The following KCNH5 variants were observed in gnomAD, a reference collection of about 807,000 sequenced individuals.
KCNH5 encodes voltage-gated delayed rectifier potassium channel KCNH5.
Under a neutral mutation model 96.1 loss-of-function variants are expected in KCNH5, and 46 were observed. That is an observed-to-expected ratio of 0.48 (90% CI 0.38 to 0.61). The LOEUF (loss-of-function observed/expected upper bound fraction) is 0.61, where lower values mean the gene tolerates loss of function less well. Ranked by LOEUF, KCNH5 falls within the 20% of genes least tolerant of loss-of-function variation. The pLI, the probability that KCNH5 is intolerant of heterozygous loss-of-function variation, is 0.00. For synonymous variants in KCNH5, 439 were observed against 449.8 expected (o/e 0.98, Z 0.30); for missense variants, 907 against 1,225.8 (o/e 0.74, Z 3.88).
intron 10 of KCNH5, among the ~76,000 whole-genome samples, chr14:62,763,016 C>G (rs1288689918): frequency 1.3e-5 from 2 of 152,032 alleles, no homozygotes; most frequent in East Asian, 1.9e-4. Flanking sequence ...TATTTAGGAC[C>G]TAAATTCAAC....
intron 7 of KCNH5, 129 bp downstream of exon 7, chr14:62,950,004 A>C: frequency 1.4e-6 from 1 of 738,162 alleles, no homozygotes; most frequent in Non-Finnish European, 2.2e-6. Context: ...GATTAAAAAA[A>C]ACAATTGCAA....
At chr14:62,765,772 A>T (rs981158284) in intron 10 of KCNH5, among the ~76,000 whole-genome samples, 1 of 152,146 alleles carries the variant, frequency 6.6e-6, no homozygotes, top group Non-Finnish European at 1.5e-5. Flanking sequence ...TCTCCAGGGC[A>T]TTGGTCTGGG....
chr14:62,751,611 G>T (rs781390688), intron 10 of KCNH5, among the ~76,000 whole-genome samples: 6 of 152,172 alleles, frequency 3.9e-5, no homozygotes, highest in African/African-American at 7.2e-5. Context: ...CATGCCCAAG[G>T]CATGGTGACT....
intron 6 of KCNH5, among the ~76,000 whole-genome samples, chr14:62,972,468 A>C (rs1890427970): frequency 1.3e-5 from 2 of 152,270 alleles, no homozygotes; most frequent in African/African-American, 4.8e-5. Flanking sequence ...AAGTAAACAT[A>C]GTCTTACCAT....
chr14:62,804,925 C>A (rs1233328344), intron 8 of KCNH5, among the ~76,000 whole-genome samples: 2 of 152,164 alleles, frequency 1.3e-5, no homozygotes, highest in Non-Finnish European at 2.9e-5. Flanking sequence ...TTTTCACTTT[C>A]CACTCTGTCT....
At chr14:62,886,499 G>T (rs10137940) in intron 7 of KCNH5, among the ~76,000 whole-genome samples, 3 of 152,056 alleles carry the variant, frequency 2.0e-5, no homozygotes, top group Non-Finnish European at 2.9e-5. Context: ...ACCAGGAGTG[G>T]GGTGTGCATG....
intron 10 of KCNH5, among the ~76,000 whole-genome samples, chr14:62,777,928 G>T (rs1886132732): frequency 6.6e-6 from 1 of 152,048 alleles, no homozygotes; most frequent in Non-Finnish European, 1.5e-5. Flanking sequence ...TGTTTCCATT[G>T]TCCCTCCTTG....
At chr14:62,930,275 C>T (rs1211269094) in intron 7 of KCNH5, among the ~76,000 whole-genome samples, 1 of 152,068 alleles carries the variant, frequency 6.6e-6, no homozygotes, top group Admixed American at 6.6e-5. Context: ...GTTTTTAACA[C>T]CACTAACCAT....
At chr14:62,718,222 A>G (rs1884727266) in intron 10 of KCNH5, among the ~76,000 whole-genome samples, 1 of 152,146 alleles carries the variant, frequency 6.6e-6, no homozygotes. Context: ...TGGGTTCAAT[A>G]GAAGCCCCAA....
At chr14:62,817,065 T>A (rs536561603) in intron 8 of KCNH5, among the ~76,000 whole-genome samples, 8 of 143,196 alleles carry the variant, frequency 5.6e-5, no homozygotes, top group African/African-American at 2.0e-4. Context: ...GAGTTCTGTG[T>A]GTGTGTATCT....
intron 6 of KCNH5, among the ~76,000 whole-genome samples, chr14:62,977,855 G>A (rs1031734945): frequency 2.0e-5 from 3 of 152,170 alleles, no homozygotes; most frequent in Non-Finnish European, 2.9e-5. Flanking sequence ...GGAACACGAA[G>A]AGCCTTTGGA....
At chr14:62,954,095 C>G (rs146357559) in intron 6 of KCNH5, among the ~76,000 whole-genome samples, 118 of 152,282 alleles carry the variant, frequency 7.7e-4, no homozygotes, top group Non-Finnish European at 1.4e-3. Flanking sequence ...AGGAGTAGTT[C>G]CCAGAATGTC....
At position 62,998,723 on chromosome 14, in the gene KCNH5, C is replaced by T. The variant is rs144396351; in HGVS notation, c.433+2608G>A. Among the ~76,000 whole-genome samples the T allele has an allele frequency of 1.7e-3, 260 of 152,214 alleles. 1 individual carries two copies. The highest frequency in any genetic ancestry group is 0.014 in the Middle Eastern group (4 of 294). ...GCTGCTTCTTTGATTTGTTTAGAAA[C>T]ATGTTTCATTTCCAAATATTTCAGG... On this transcript the variant is annotated intron_variant, in intron 4 of 10. Coordinates refer to ENST00000322893, the MANE Select transcript of KCNH5 (RefSeq NM_139318.5).
At chr14:62,809,199 T>C (rs1886826605) in intron 8 of KCNH5, among the ~76,000 whole-genome samples, 2 of 152,180 alleles carry the variant, frequency 1.3e-5, no homozygotes. Flanking sequence ...TGTTTCTCTC[T>C]AACTGATTTC....
chr14:62,937,427 C>T (rs1889706199), intron 7 of KCNH5, among the ~76,000 whole-genome samples: 1 of 152,264 alleles, frequency 6.6e-6, no homozygotes, highest in South Asian at 2.1e-4. Context: ...CCATCTGGCT[C>T]AAAGTAAGGG....
At chr14:62,874,723 C>T (rs886848498) in intron 7 of KCNH5, among the ~76,000 whole-genome samples, 6 of 140,214 alleles carry the variant, frequency 4.3e-5, no homozygotes, top group African/African-American at 1.6e-4. Context: ...GACAAACCCA[C>T]AGCCAATATC....
At chr14:62,871,035 A>G (rs1047371978) in intron 7 of KCNH5, among the ~76,000 whole-genome samples, 8 of 152,344 alleles carry the variant, frequency 5.3e-5, no homozygotes, top group African/African-American at 1.4e-4. Flanking sequence ...TTTATATAAC[A>G]TATCAGTGAA....
chr14:62,845,649 G>A (rs1239766643), intron 8 of KCNH5, among the ~76,000 whole-genome samples: 1 of 152,200 alleles, frequency 6.6e-6, no homozygotes, highest in Non-Finnish European at 1.5e-5. Flanking sequence ...GTGAGAATCG[G>A]AGGTAGAGCC....
At chr14:62,926,365 T>G (rs1889476605) in intron 7 of KCNH5, among the ~76,000 whole-genome samples, 5 of 152,096 alleles carry the variant, frequency 3.3e-5, no homozygotes, top group African/African-American at 4.8e-5. Flanking sequence ...TCCATGCAAC[T>G]TAGGAAATCT....
Sources: gnomAD v4.1 joint callset for allele counts (sites outside exome capture counted in the v4.1 genomes callset) on GRCh38, gnomAD v4.1.1 for gene constraint, MANE v1.5 for transcripts, NCBI Gene and HGNC (gene_info 2026-07-23, HGNC 2026-07-21) for gene names.